CFAP77: variants seen among roughly 807,000 people sequenced by gnomAD.
CFAP77 encodes cilia and flagella associated protein 77.
CFAP77 carries 25 observed loss-of-function variants against 31.1 expected under a neutral mutation model. That is an observed-to-expected ratio of 0.80 (90% confidence interval 0.59 to 1.12). The LOEUF is 1.12. Among genes scored for constraint, CFAP77 ranks in the 50% most tolerant of loss-of-function variants. The pLI, the probability that CFAP77 is intolerant of heterozygous loss-of-function variation, is 0.00. For missense variants in CFAP77, 377 were observed against 397.3 expected, an observed-to-expected ratio of 0.95 and a Z score of 0.44; for synonymous variants, 151 against 159.9, an observed-to-expected ratio of 0.94 and a Z score of 0.42.
chr9:132,509,070 T>C (rs1851986480), intron 3 of CFAP77, among the ~76,000 whole-genome samples: 1 of 152,150 alleles, frequency 6.6e-6, no homozygotes, highest in African/African-American at 2.4e-5. Flanking sequence ...GAACAACAGT[T>C]ACAGCAATGA....
intron 3 of CFAP77, among the ~76,000 whole-genome samples, chr9:132,533,009 C>T (rs1411874911): frequency 1.3e-5 from 2 of 152,206 alleles, no homozygotes; most frequent in Non-Finnish European, 2.9e-5. Context: ...CTTTACATAG[C>T]TGCACAGAAA....
At position 132,442,528 on chromosome 9, in the gene CFAP77, C is replaced by T. The variant is rs579031; in HGVS notation, c.195+32062C>T. On this transcript the variant is annotated intron_variant, in intron 1 of 5. Coordinates refer to ENST00000393216, the MANE Select transcript of CFAP77 (RefSeq NM_001282957.2). The stretch of plus-strand genomic sequence containing the variant: ...AGATCGAGCCACTGCATTCCAGCCT[C>T]GGCAACACAGTGAGACCCCATCTCA... 7.0e-3 allele frequency among the ~76,000 whole-genome samples: 1,058 copies of T among 152,078 alleles called. 11 individuals carry two copies. The highest frequency in any genetic ancestry group is 0.024 in the African/African-American group (1,007 of 41,460).
At position 132,533,979 on chromosome 9, in the gene CFAP77, G is replaced by A. The variant is rs1480085341; in HGVS notation, c.525-3622G>A. Among the ~76,000 whole-genome samples, 6 of 152,238 alleles carry A rather than the reference G, an allele frequency of 3.9e-5. 1 individual carries two copies. Among genetic ancestry groups the A allele is most frequent in the Admixed American group, 2.0e-4 (3 of 15,290 alleles). On this transcript the variant is annotated intron_variant, in intron 3 of 5. Coordinates refer to ENST00000393216, the MANE Select transcript of CFAP77 (RefSeq NM_001282957.2). ...TACGTTGGGTTTTTTCCCCGAACAT[G>A]TTTGGTAGGCAGTCCAGCATCCCTC...
chr9:132,418,917 G>A (rs1227451214), intron 1 of CFAP77, among the ~76,000 whole-genome samples: 18 of 152,208 alleles, frequency 1.2e-4, no homozygotes, highest in Admixed American at 1.1e-3. Flanking sequence ...CAGTGGGCCA[G>A]GGCCCCATCA....
intron 1 of CFAP77, among the ~76,000 whole-genome samples, chr9:132,492,160 G>T (rs931184802): frequency 6.6e-6 from 1 of 152,070 alleles, no homozygotes; most frequent in Non-Finnish European, 1.5e-5. Flanking sequence ...TGGTGATGCG[G>T]GCCTGTAGTT....
intron 3 of CFAP77, chr9:132,513,294 A>G (rs546701511): frequency 1.1e-5 from 17 of 1,549,666 alleles, no homozygotes; most frequent in Non-Finnish European, 7.8e-6. Context: ...TTCAGAAGCA[A>G]CATAACTAAC....
At chr9:132,487,666 A>G (rs1851585525) in intron 1 of CFAP77, among the ~76,000 whole-genome samples, 1 of 138,068 alleles carries the variant, frequency 7.2e-6, no homozygotes, top group Non-Finnish European at 1.5e-5. Context: ...TTTTCACTTG[A>G]CATTACTTTA....
chr9:132,429,072 A>T (rs543457623), intron 1 of CFAP77, among the ~76,000 whole-genome samples: 1 of 151,878 alleles, frequency 6.6e-6, no homozygotes, highest in African/African-American at 2.4e-5. Flanking sequence ...ATGTTTGCCT[A>T]TTCTTGGTTG....
At position 132,499,989 on chromosome 9, in the gene CFAP77, A is replaced by T. The variant is rs192146864; in HGVS notation, c.524+389A>T. Among the ~76,000 whole-genome samples, 9 of 152,200 alleles carry T rather than the reference A, an allele frequency of 5.9e-5. No homozygotes were observed. The highest frequency in any genetic ancestry group is 5.2e-4 in the Admixed American group (8 of 15,292). On this transcript the variant is annotated intron_variant, in intron 3 of 5. Transcript: ENST00000393216. This position sits in a 1 kb window ranked among gnomAD's most constrained non-coding sequence, Gnocchi z 5.4. ...AACGTGGCAAAACCCCGTCTCTACA[A>T]AAAAATTTTAAAAATTAGCTGGGCA...
At chr9:132,546,659 A>C (rs1852736725) in intron 5 of CFAP77, among the ~76,000 whole-genome samples, 1 of 152,142 alleles carries the variant, frequency 6.6e-6, no homozygotes, top group African/African-American at 2.4e-5. Flanking sequence ...AGAGGGACCA[A>C]AGAGGGAAGA....
intron 1 of CFAP77, among the ~76,000 whole-genome samples, chr9:132,435,880 G>T (rs936058930): frequency 3.9e-4 from 60 of 152,306 alleles, no homozygotes; most frequent in African/African-American, 1.4e-3. Context: ...ACCAGTGAAA[G>T]AAACACAGGG....
In CFAP77 at chr9:132,546,200, C is replaced by A. The variant is rs576448409; in HGVS notation, c.732+3153C>A. On this transcript the variant is annotated intron_variant, in intron 5 of 5. Transcript: ENST00000393216. ...AGACCTGCTGAGCCTCCCCTTTCTCCCCTTCCCAAACCAAGCACCCACCAT... is the reference window on the plus strand; with the variant it reads ...AGACCTGCTGAGCCTCCCCTTTCTCACCTTCCCAAACCAAGCACCCACCAT... Among the ~76,000 whole-genome samples, 12 of 152,312 alleles carry A rather than the reference C, an allele frequency of 7.9e-5. No individual in the cohort carries two copies. The South Asian group carries it at 1.7e-3, about 21-fold the overall frequency.
chr9:132,439,848 C>CAAAAAAAA (rs1225152331), intron 1 of CFAP77, among the ~76,000 whole-genome samples: 1 of 44,614 alleles, frequency 2.2e-5, no homozygotes. Flanking sequence ...GACTCCGTCT[C>CAAAAAAAA]AAAAAAAAAA....
intron 1 of CFAP77, among the ~76,000 whole-genome samples, chr9:132,456,579 A>G (rs1195708630): frequency 6.6e-6 from 1 of 152,072 alleles, no homozygotes; most frequent in East Asian, 1.9e-4. Flanking sequence ...GCGCCCGTGC[A>G]GAATCCCATT....
intron 1 of CFAP77, among the ~76,000 whole-genome samples, chr9:132,418,405 C>G (rs987497311): frequency 1.3e-5 from 2 of 152,218 alleles, no homozygotes; most frequent in Non-Finnish European, 2.9e-5. Context: ...AACCAGGAGA[C>G]ATAAAGGAGA....
At chr9:132,496,687 A>G (rs979818676) in intron 1 of CFAP77, among the ~76,000 whole-genome samples, 1 of 152,330 alleles carries the variant, frequency 6.6e-6, no homozygotes, top group South Asian at 2.1e-4. Context: ...AAGTGCTGGG[A>G]AGGCAGGCTG....
intron 1 of CFAP77, among the ~76,000 whole-genome samples, chr9:132,438,541 A>ATATATATTT: frequency 9.2e-6 from 1 of 108,154 alleles, no homozygotes; most frequent in Non-Finnish European, 1.8e-5. Context: ...ATATATATAT[A>ATATATATTT]TTTTTTTTTT....
intron 3 of CFAP77, among the ~76,000 whole-genome samples, chr9:132,512,797 A>C (rs1852062624): frequency 1.3e-5 from 2 of 152,198 alleles, no homozygotes; most frequent in Admixed American, 6.5e-5. Context: ...AAATATAAAA[A>C]TCAGCCAAGC....
intron 1 of CFAP77, among the ~76,000 whole-genome samples, chr9:132,450,966 T>G (rs1161224278): frequency 6.6e-6 from 1 of 152,124 alleles, no homozygotes; most frequent in Non-Finnish European, 1.5e-5. Context: ...AGGATGGATG[T>G]CAGGATTTTG....
Sources: allele counts gnomAD v4.1 joint callset (sites outside exome capture counted in the v4.1 genomes callset), GRCh38; gene constraint gnomAD v4.1.1; non-coding constraint Gnocchi (gnomAD v3.1); transcripts MANE v1.5; gene names NCBI Gene and HGNC (gene_info 2026-07-23, HGNC 2026-07-21).